Variants in SMAD2 observed in about 807,000 individuals in gnomAD.
SMAD2 encodes MAD homolog 2.
In SMAD2, 8 loss-of-function variants were observed where a neutral mutation model predicts 64.4. That is an observed-to-expected ratio of 0.12 (90% CI 0.07 to 0.22). The LOEUF (loss-of-function observed/expected upper bound fraction) is 0.22, where lower values mean the gene tolerates loss of function less well. Among genes scored for constraint, SMAD2 ranks in the 10% least tolerant of loss-of-function variants. The probability of loss-of-function intolerance (pLI) is 1.00; values close to 1 mark genes in which losing one functional copy is unlikely to be tolerated. For synonymous variants in SMAD2, 203 were observed against 195.8 expected (o/e 1.04, Z -0.31); for missense variants, 289 against 561.2 (o/e 0.51, Z 4.90).
At chr18:47,847,042 T>A (rs1479162640) in intron 8 of SMAD2, among the ~76,000 whole-genome samples, 1 of 151,890 alleles carries the variant, frequency 6.6e-6, no homozygotes, top group African/African-American at 2.4e-5. Flanking sequence ...CTGATCAATA[T>A]CACCTATAAA....
chr18:47,930,225 C>G (rs1275717499), intron 1 of SMAD2, 136 bp downstream of exon 1: 2 of 152,434 alleles, frequency 1.3e-5, no homozygotes, highest in East Asian at 1.9e-4. Flanking sequence ...ACGCCCGGGC[C>G]GGCGCACCCA....
At position 47,830,096 on chromosome 18, in the gene SMAD2, T is replaced by C. The variant is rs1433783096; in HGVS notation, c.*11731A>G. 6.6e-6 allele frequency: 1 copy of C among 152,216 alleles called. No individual in the cohort carries two copies. Among genetic ancestry groups the C allele is most frequent in the East Asian group, 1.9e-4 (1 of 5,194 alleles). The allele number at this position is 152,216 out of a possible 1,614,324, so 9.4% of individuals were successfully genotyped here. Reference sequence around the variant, plus strand: ...AAAATTCAATTCCTTAGAATATGTGTTTGTGATTGACGATGTACATTTTTA... The same window carrying C: ...AAAATTCAATTCCTTAGAATATGTGCTTGTGATTGACGATGTACATTTTTA... On this transcript the variant is annotated 3_prime_UTR_variant, in exon 11 of 11. Coordinates refer to ENST00000262160, the MANE Select transcript of SMAD2 (RefSeq NM_005901.6).
intron 6 of SMAD2, chr18:47,853,149 G>C (rs2030299386): frequency 5.6e-6 from 1 of 177,888 alleles, no homozygotes; most frequent in South Asian, 2.0e-4. Context: ...GGCCAACATA[G>C]TGAAACCCCA....
chr18:47,910,363 A>G (rs1448373155), intron 1 of SMAD2, among the ~76,000 whole-genome samples: 1 of 141,146 alleles, frequency 7.1e-6, no homozygotes, highest in East Asian at 2.3e-4. Context: ...ACAAATTGAC[A>G]TAGGACAATC....
chr18:47,891,530 T>A (rs2033192034), intron 2 of SMAD2, among the ~76,000 whole-genome samples: 1 of 151,046 alleles, frequency 6.6e-6, no homozygotes, highest in Non-Finnish European at 1.5e-5. Context: ...TTTTTTTTTT[T>A]AAAGGGACAG....
In SMAD2 at chr18:47,817,476, T is replaced by C. The variant is rs923319260; in HGVS notation, c.*24351A>G. ...TGAGTACTCTGGATTTAAAAACAAT[T>C]TTTTTTTAGAGACAGTGTCTCACTA... On this transcript the variant is annotated 3_prime_UTR_variant, in exon 11 of 11. Coordinates refer to ENST00000262160, the MANE Select transcript of SMAD2 (RefSeq NM_005901.6). 4 of 151,972 alleles carry C rather than the reference T, an allele frequency of 2.6e-5. No individual in the cohort carries two copies. Among genetic ancestry groups the C allele is most frequent in the Non-Finnish European group, 2.9e-5 (2 of 67,978 alleles). The allele number at this position is 151,972 out of a possible 1,614,324, so 9.4% of individuals were successfully genotyped here. A position where few individuals can be genotyped will look rare whatever the true frequency, so the allele number is the denominator to read the frequency against.
chr18:47,877,256 A>G (rs911388528), intron 2 of SMAD2, among the ~76,000 whole-genome samples: 1 of 151,984 alleles, frequency 6.6e-6, no homozygotes, highest in African/African-American at 2.4e-5. Context: ...AAAATTAGTC[A>G]ATTAGCAGAA....
At chr18:47,886,556 T>C (rs1009872309) in intron 2 of SMAD2, among the ~76,000 whole-genome samples, 1 of 142,026 alleles carries the variant, frequency 7.0e-6, no homozygotes, top group African/African-American at 2.6e-5. Context: ...AGAGAAACTA[T>C]ATCTATATCT....
At position 47,814,560 on chromosome 18, in the gene SMAD2, T is replaced by C. The variant is rs1419216118; in HGVS notation, c.*27267A>G. On this transcript the variant is annotated 3_prime_UTR_variant, in exon 11 of 11. Transcript: ENST00000262160. ...AGGGAGAGATTGATTGAGATTGCAA[T>C]TGCCCTGTTGGGAAATAAACGGAAA... is the stretch of plus-strand genomic sequence containing the variant. 6.6e-6 allele frequency: 1 copy of C among 152,168 alleles called. No homozygotes were observed. The highest frequency in any genetic ancestry group is 2.4e-5 in the African/African-American group (1 of 41,434). 9.4% of individuals were successfully genotyped at this position (152,168 alleles called of 1,614,324 possible). A position where few individuals can be genotyped will look rare whatever the true frequency, so the allele number is the denominator to read the frequency against.
At chr18:47,875,216 A>C (rs2032197984) in intron 2 of SMAD2, among the ~76,000 whole-genome samples, 1 of 152,136 alleles carries the variant, frequency 6.6e-6, no homozygotes, top group African/African-American at 2.4e-5. Context: ...TAAGTCTAAC[A>C]AACGAGGTCA....
intron 2 of SMAD2, among the ~76,000 whole-genome samples, chr18:47,876,746 G>A (rs2032284451): frequency 6.6e-6 from 1 of 151,906 alleles, no homozygotes; most frequent in Non-Finnish European, 1.5e-5. Context: ...CTAAGAATAA[G>A]CTGACTTTTG....
chr18:47,844,315 G>C (rs1718043724), intron 10 of SMAD2, among the ~76,000 whole-genome samples: 1 of 152,100 alleles, frequency 6.6e-6, no homozygotes, highest in South Asian at 2.1e-4. Flanking sequence ...ATTTGGAAGG[G>C]ACTAAATTGC....
At chr18:47,902,263 T>TTCTTTAATCATTTTTACACCCATTGTTC in intron 1 of SMAD2, among the ~76,000 whole-genome samples, 1 of 152,196 alleles carries the variant, frequency 6.6e-6, no homozygotes, top group East Asian at 1.9e-4. Context: ...AAATTTTGCT[T>TTCTTTAATCATTTTTACACCCATTGTTC]TCTTTAATCA....
intron 6 of SMAD2, among the ~76,000 whole-genome samples, chr18:47,860,802 GA>G (rs1443159631): frequency 6.6e-5 from 10 of 151,576 alleles, no homozygotes; most frequent in African/African-American, 2.2e-4. Flanking sequence ...TATAAACGCA[GA>G]AAAAAAATTT....
intron 1 of SMAD2, among the ~76,000 whole-genome samples, chr18:47,917,549 C>G (rs1264709250): frequency 6.6e-6 from 1 of 151,942 alleles, no homozygotes; most frequent in African/African-American, 2.4e-5. Context: ...TTCTTCTTCC[C>G]TGCCTTATAC....
chr18:47,842,803 C>T (rs535236819), intron 10 of SMAD2, among the ~76,000 whole-genome samples: 1 of 152,262 alleles, frequency 6.6e-6, no homozygotes, highest in African/African-American at 2.4e-5. Flanking sequence ...CAACACCATT[C>T]GGGCTTTTAA....
At position 47,871,600 on chromosome 18, in the gene SMAD2, C is replaced by A. The variant is rs77469215; in HGVS notation, c.237-1036G>T. 3.2e-4 allele frequency among the ~76,000 whole-genome samples: 48 copies of A among 152,218 alleles called. No homozygotes were observed. The East Asian group carries it at 5.6e-3, about 18-fold the overall frequency. ...TGCCCTGCTTTGGGGGCTACAGTGA[C>A]CCGACAGTTCAAAACAAAACCTGTT... On this transcript the variant is annotated intron_variant, in intron 2 of 10. Coordinates refer to ENST00000262160, the MANE Select transcript of SMAD2 (RefSeq NM_005901.6).
chr18:47,886,562 T>TATCTATCC (rs1555655776), intron 2 of SMAD2, among the ~76,000 whole-genome samples: 3 of 130,718 alleles, frequency 2.3e-5, no homozygotes, highest in East Asian at 2.2e-4. Flanking sequence ...ACTATATCTA[T>TATCTATCC]ATCTATCCAT....
intron 6 of SMAD2, among the ~76,000 whole-genome samples, chr18:47,854,631 T>G (rs977011385): frequency 8.3e-6 from 1 of 120,832 alleles, no homozygotes; most frequent in Non-Finnish European, 1.8e-5. Flanking sequence ...TTTGCAAATA[T>G]TCACCCAGGT....
Sources: gnomAD v4.1 joint callset for allele counts (sites outside exome capture counted in the v4.1 genomes callset) on GRCh38, gnomAD v4.1.1 for gene constraint, MANE v1.5 for transcripts, NCBI Gene and HGNC (gene_info 2026-07-23, HGNC 2026-07-21) for gene names.